Variants in ITIH5 observed in about 807,000 individuals in gnomAD.
ITIH5 encodes the protein inter-alpha-trypsin inhibitor heavy chain 5, also known as inter-alpha-trypsin inhibitor heavy chain H5.
ITIH5 carries 65 observed loss-of-function variants against 77.5 expected under a neutral mutation model. The observed-to-expected ratio is 0.84, with a 90% CI of 0.69 to 1.03. The LOEUF (loss-of-function observed/expected upper bound fraction) is 1.03, where lower values mean the gene tolerates loss of function less well. Among genes scored for constraint, ITIH5 ranks in the 50% least tolerant of loss-of-function variants. The pLI is 0.00. For missense variants in ITIH5, 1,208 were observed against 1,213.1 expected (o/e 1.00, Z 0.06); for synonymous variants, 525 against 494.3 (o/e 1.06, Z -0.82).
chr10:7,605,534 C>T (rs1289839354), intron 7 of ITIH5, among the ~76,000 whole-genome samples: 2 of 42,160 alleles, frequency 4.7e-5, no homozygotes, highest in East Asian at 8.0e-4. Context: ...ATACCTAGCA[C>T]CCCACCCCCA....
Position 7,663,521 on chromosome 10 carries a change from G to T in ITIH5, c.90+3282C>A, listed in dbSNP as rs1834312691. 2.0e-5 allele frequency among the ~76,000 whole-genome samples: 3 copies of T among 152,330 alleles called. No homozygotes were observed. In the South Asian group the frequency reaches 6.2e-4, roughly 32 times the overall value. On this transcript the variant is annotated intron_variant, in intron 1 of 13. Coordinates refer to ENST00000397146, the MANE Select transcript of ITIH5 (RefSeq NM_030569.7). ...TGCGTGATGTTTGTGGTGCCTGTCA[G>T]ATTGTCAAAATGTGTAATTTGTTGT...
chr10:7,616,940 G>T (rs890971498), intron 6 of ITIH5, among the ~76,000 whole-genome samples, 173 bp downstream of exon 6: 5 of 152,170 alleles, frequency 3.3e-5, no homozygotes, highest in African/African-American at 4.8e-5. Context: ...CTGGAAATAG[G>T]TTCCCTCAGC....
intron 5 of ITIH5, among the ~76,000 whole-genome samples, chr10:7,629,237 T>G (rs1588413071): frequency 6.8e-6 from 1 of 147,424 alleles, no homozygotes; most frequent in South Asian, 2.3e-4. Context: ...GTGCCCATGT[T>G]GTAGCGTGTG....
chr10:7,660,244 T>C (rs1434293433), intron 1 of ITIH5, among the ~76,000 whole-genome samples: 1 of 152,128 alleles, frequency 6.6e-6, no homozygotes, highest in Non-Finnish European at 1.5e-5. Context: ...AAGAAATAGA[T>C]GAAAGAAGAG....
intron 8 of ITIH5, among the ~76,000 whole-genome samples, chr10:7,585,473 CT>C (rs773018282): frequency 2.8e-4 from 42 of 152,326 alleles, no homozygotes; most frequent in Non-Finnish European, 4.9e-4. Context: ...TGCTGCAGCT[CT>C]ACCAAGAGGG....
intron 7 of ITIH5, among the ~76,000 whole-genome samples, chr10:7,602,611 C>T (rs1833037508): frequency 6.6e-6 from 1 of 152,136 alleles, no homozygotes; most frequent in Admixed American, 6.5e-5. Context: ...TAGTAAGTTT[C>T]CTGAGGCCTC....
chr10:7,595,453 C>G (rs1405514026), intron 7 of ITIH5, among the ~76,000 whole-genome samples: 1 of 152,118 alleles, frequency 6.6e-6, no homozygotes, highest in Non-Finnish European at 1.5e-5. Context: ...AGAGATTACT[C>G]TGTTTAATAC....
chr10:7,566,626 C>A (rs1004916410), intron 12 of ITIH5, among the ~76,000 whole-genome samples: 1 of 148,942 alleles, frequency 6.7e-6, no homozygotes, highest in Non-Finnish European at 1.5e-5. Flanking sequence ...TTCACTTGAG[C>A]CCAGGAGTTC....
At chr10:7,613,113 C>T (rs757940758) in intron 7 of ITIH5, among the ~76,000 whole-genome samples, 3 of 152,006 alleles carry the variant, frequency 2.0e-5, no homozygotes, top group African/African-American at 7.3e-5. Flanking sequence ...GGCATGGTGG[C>T]GAGCACCTGT....
intron 12 of ITIH5, chr10:7,569,397 G>A (rs893366577): frequency 2.9e-6 from 1 of 344,156 alleles, no homozygotes; most frequent in Non-Finnish European, 5.2e-6. Flanking sequence ...TTTTATATTA[G>A]CTCTGTGAGG....
intron 7 of ITIH5, among the ~76,000 whole-genome samples, chr10:7,605,922 T>G (rs1192170414): frequency 6.6e-6 from 1 of 152,170 alleles, no homozygotes; most frequent in Non-Finnish European, 1.5e-5. Flanking sequence ...AGGAGGAAAC[T>G]AGGCTTTTCT....
chr10:7,650,570 A>G (rs956855125), intron 2 of ITIH5, among the ~76,000 whole-genome samples: 2 of 152,052 alleles, frequency 1.3e-5, no homozygotes, highest in African/African-American at 4.8e-5. Flanking sequence ...CCCCGTCTCT[A>G]TTAAAAATGC....
intron 2 of ITIH5, among the ~76,000 whole-genome samples, chr10:7,643,290 A>G (rs1435505834): frequency 1.3e-5 from 2 of 152,206 alleles, no homozygotes; most frequent in Non-Finnish European, 2.9e-5. Flanking sequence ...CATGGTCTAT[A>G]GAATTTTGTT....
Position 7,591,098 on chromosome 10 carries a change from T to C in ITIH5, c.940-5029A>G, listed in dbSNP as rs550456081. Among the ~76,000 whole-genome samples, 14 of 152,308 alleles carry C rather than the reference T, an allele frequency of 9.2e-5. No homozygotes were observed. The East Asian group carries it at 2.5e-3, about 27-fold the overall frequency. ...TTTTAGTAGAGACGGGGTTTCACCA[T>C]GTTGGCCAGGATGGTCTCAATCTCC... On this transcript the variant is annotated intron_variant, in intron 7 of 13. Coordinates refer to ENST00000397146, the MANE Select transcript of ITIH5 (RefSeq NM_030569.7).
intron 7 of ITIH5, among the ~76,000 whole-genome samples, chr10:7,598,249 A>G (rs1468830128): frequency 6.6e-6 from 1 of 152,234 alleles, no homozygotes; most frequent in Non-Finnish European, 1.5e-5. Flanking sequence ...TGTAACATAC[A>G]GAAGATAACC....
chr10:7,599,367 TGA>T (rs1832969670), intron 7 of ITIH5, among the ~76,000 whole-genome samples: 2 of 152,220 alleles, frequency 1.3e-5, no homozygotes, highest in Non-Finnish European at 2.9e-5. Context: ...AGTAAGAGGA[TGA>T]TGCTGACCAA....
chr10:7,597,261 G>A (rs1166576990), intron 7 of ITIH5, among the ~76,000 whole-genome samples: 1 of 152,048 alleles, frequency 6.6e-6, no homozygotes, highest in Admixed American at 6.5e-5. Context: ...AGTGGGGAGG[G>A]GGCAGGTGTC....
intron 5 of ITIH5, among the ~76,000 whole-genome samples, chr10:7,629,027 ATGTGTCCCTGTTGTAGCG>A (rs1833651151): frequency 9.4e-6 from 1 of 106,214 alleles, no homozygotes. Context: ...GTGTTTTCAC[ATGTGTCCCTGTTGTAGCG>A]TGTGTCCATG....
intron 2 of ITIH5, among the ~76,000 whole-genome samples, chr10:7,649,285 TTTC>T (rs1427646789): frequency 6.6e-6 from 1 of 152,102 alleles, no homozygotes; most frequent in Non-Finnish European, 1.5e-5. Context: ...CTTCTTATTC[TTTC>T]TTCTTCCTTC....
Sources: gnomAD v4.1 joint callset for allele counts (sites outside exome capture counted in the v4.1 genomes callset) on GRCh38, gnomAD v4.1.1 for gene constraint, MANE v1.5 for transcripts, NCBI Gene and HGNC (gene_info 2026-07-23, HGNC 2026-07-21) for gene names.